The following SNX29 variants were observed in gnomAD, a reference collection of about 807,000 sequenced individuals.
The protein encoded by SNX29 is sorting nexin-29.
In SNX29, 78 loss-of-function variants were observed where a neutral mutation model predicts 102.1. That is an observed-to-expected ratio of 0.76 (90% CI 0.64 to 0.92). The LOEUF is 0.92. Ranked by LOEUF, SNX29 falls within the 40% of genes least tolerant of loss-of-function variation. The pLI is 0.00. For missense variants in SNX29, 1,280 were observed against 1,061.7 expected (o/e 1.21, Z -2.86); for synonymous variants, 580 against 414.5 (o/e 1.40, Z -4.85).
chr16:12,215,313 GAAA>G lies in SNX29; in HGVS notation c.1678+15644_1678+15646del, dbSNP rs59097054. ...AGGAGTTTGAGACGCAATCTCTACA[GAAA>G]AAAAAAAAAAAAATCAGAAGGTGTA... On this transcript the variant is annotated intron_variant, in intron 14 of 20. Coordinates refer to ENST00000566228, the MANE Select transcript of SNX29 (RefSeq NM_032167.5). 4.7e-3 allele frequency among the ~76,000 whole-genome samples: 649 copies of G among 137,260 alleles called. 4 individuals are homozygous for G. Among genetic ancestry groups the G allele is most frequent in the African/African-American group, 0.017 (614 of 36,820 alleles). The allele number at this position is 137,260 out of a possible 152,430, so 90.0% of individuals were successfully genotyped here.
At chr16:12,566,691 G>T (rs188793976) in intron 20 of SNX29, among the ~76,000 whole-genome samples, 3 of 19,108 alleles carry the variant, frequency 1.6e-4, no homozygotes, top group East Asian at 5.2e-4. Context: ...GAGGCTCTTC[G>T]TAAGTGGGGT....
chr16:12,286,350 T>C (rs1014943823), intron 15 of SNX29, among the ~76,000 whole-genome samples: 2 of 151,196 alleles, frequency 1.3e-5, no homozygotes, highest in Non-Finnish European at 1.5e-5. Flanking sequence ...AAGGATTTTT[T>C]TTTTTTTTTT....
chr16:12,075,512 G>A (rs945420845), intron 10 of SNX29, among the ~76,000 whole-genome samples: 4 of 152,150 alleles, frequency 2.6e-5, no homozygotes, highest in South Asian at 2.1e-4. Context: ...CTGTCTGATC[G>A]TTCCTCTGGA....
Position 12,573,033 on chromosome 16 carries a change from C to T in SNX29, c.*4404C>T, listed in dbSNP as rs1027268290. ...TATTTGCTGTTTTTAGATTGGCGTC[C>T]GTGCTAATTCTGCAGTTGTAGCACT... On this transcript the variant is annotated 3_prime_UTR_variant, in exon 21 of 21. Transcript: ENST00000566228. 1.0e-4 allele frequency: 26 copies of T among 251,208 alleles called. No individual in the cohort carries two copies. The highest frequency in any genetic ancestry group is 1.2e-4 in the Non-Finnish European group (16 of 135,724). The allele number at this position is 251,208 out of a possible 1,614,324, so 15.6% of individuals were successfully genotyped here.
At chr16:12,460,896 C>T (rs949044529) in intron 18 of SNX29, among the ~76,000 whole-genome samples, 1 of 152,104 alleles carries the variant, frequency 6.6e-6, no homozygotes, top group Admixed American at 6.6e-5. Flanking sequence ...TGACCTCAGC[C>T]TTCCAAAGTG....
intron 5 of SNX29, among the ~76,000 whole-genome samples, chr16:12,045,094 G>T (rs188032107): frequency 5.3e-5 from 8 of 152,270 alleles, no homozygotes; most frequent in African/African-American, 1.7e-4. Context: ...ACGAAAACAG[G>T]CTCAGATTTT....
intron 13 of SNX29, among the ~76,000 whole-genome samples, chr16:12,154,528 G>GA (rs140547142): frequency 0.021 from 3,190 of 152,282 alleles, 74 homozygotes; most frequent in African/African-American, 0.055. Context: ...AATCCCATGA[G>GA]AAAGGGTGTT....
intron 13 of SNX29, among the ~76,000 whole-genome samples, chr16:12,158,687 GA>G (rs1206548416): frequency 2.0e-5 from 3 of 152,246 alleles, no homozygotes; most frequent in Non-Finnish European, 4.4e-5. Flanking sequence ...ATGATGAAAA[GA>G]ACATGCAACG....
intron 20 of SNX29, among the ~76,000 whole-genome samples, chr16:12,540,628 C>T (rs1010240440): frequency 6.6e-6 from 1 of 152,146 alleles, no homozygotes; most frequent in African/African-American, 2.4e-5. Context: ...CTAAAGAGTC[C>T]AGGATCATCT....
chr16:12,517,203 C>T (rs562742221), intron 19 of SNX29, among the ~76,000 whole-genome samples: 58 of 152,296 alleles, frequency 3.8e-4, no homozygotes, highest in Admixed American at 3.2e-3. Context: ...AGGTTCCATA[C>T]GCTGGGTTTG....
chr16:12,464,259 C>A (rs1011101133), intron 18 of SNX29, among the ~76,000 whole-genome samples: 1 of 127,792 alleles, frequency 7.8e-6, no homozygotes, highest in African/African-American at 3.4e-5. Context: ...ACATATATTC[C>A]ATATGTGGCA....
chr16:12,413,930 A>G (rs1301560630), intron 18 of SNX29, among the ~76,000 whole-genome samples: 2 of 152,266 alleles, frequency 1.3e-5, no homozygotes, highest in Non-Finnish European at 1.5e-5. Context: ...ATGGACACCC[A>G]AATCTGAGGG....
intron 11 of SNX29, among the ~76,000 whole-genome samples, chr16:12,125,615 T>C (rs2054178702): frequency 2.7e-5 from 1 of 36,622 alleles, no homozygotes; most frequent in Non-Finnish European, 4.4e-5. Context: ...CTTTTTTTTT[T>C]TTTTTTTTTT....
intron 18 of SNX29, among the ~76,000 whole-genome samples, chr16:12,471,900 C>G (rs908055170): frequency 1.3e-5 from 2 of 152,250 alleles, no homozygotes; most frequent in African/African-American, 4.8e-5. Context: ...TGAAGACATT[C>G]TACCATGTTT....
chr16:12,332,000 C>G (rs1412205356), intron 15 of SNX29, among the ~76,000 whole-genome samples: 1 of 152,064 alleles, frequency 6.6e-6, no homozygotes, highest in Non-Finnish European at 1.5e-5. Context: ...GTGGAGCCTG[C>G]AGTGAGCCAA....
chr16:12,555,577 C>T (rs1032172273), intron 20 of SNX29, among the ~76,000 whole-genome samples: 9 of 151,982 alleles, frequency 5.9e-5, no homozygotes, highest in South Asian at 2.1e-4. Context: ...CTCTCACCTC[C>T]ATTTCTCCCT....
intron 14 of SNX29, among the ~76,000 whole-genome samples, chr16:12,251,573 C>T (rs1004866571): frequency 3.3e-5 from 5 of 151,842 alleles, no homozygotes; most frequent in East Asian, 1.9e-4. Flanking sequence ...CATGGTGGCA[C>T]GCGCCTGTAG....
At chr16:12,263,560 G>A (rs563479837) in intron 14 of SNX29, among the ~76,000 whole-genome samples, 18 of 152,222 alleles carry the variant, frequency 1.2e-4, no homozygotes, top group Non-Finnish European at 2.2e-4. Flanking sequence ...GCAGGGGTCT[G>A]GCATGTGTAC....
At chr16:11,988,492 G>T (rs145189819) in intron 1 of SNX29, among the ~76,000 whole-genome samples, 5 of 152,050 alleles carry the variant, frequency 3.3e-5, no homozygotes, top group Non-Finnish European at 5.9e-5. Context: ...TGACCTATAG[G>T]CTCAAGTGAT....
Sources: allele counts gnomAD v4.1 joint callset (sites outside exome capture counted in the v4.1 genomes callset), GRCh38; gene constraint gnomAD v4.1.1; transcripts MANE v1.5; gene names NCBI Gene and HGNC (gene_info 2026-07-23, HGNC 2026-07-21).